EDIL3: variants seen among roughly 807,000 people sequenced by gnomAD.
The protein encoded by EDIL3 is EGF-like repeat and discoidin I-like domain-containing protein 3.
Under a neutral mutation model 67.4 loss-of-function variants are expected in EDIL3, and 37 were observed. The ratio of observed to expected loss-of-function variants is 0.55; its 90% CI spans 0.42 to 0.72. The LOEUF (loss-of-function observed/expected upper bound fraction) is 0.72, where lower values mean the gene tolerates loss of function less well. Among genes scored for constraint, EDIL3 ranks in the 30% least tolerant of loss-of-function variants. EDIL3 has a pLI of 0.00. For missense variants in EDIL3, 527 were observed against 586.3 expected, an observed-to-expected ratio of 0.90 and a Z score of 1.04; for synonymous variants, 195 against 196.3, an observed-to-expected ratio of 0.99 and a Z score of 0.05.
At chr5:84,142,827 C>T (rs116795669) in intron 4 of EDIL3, among the ~76,000 whole-genome samples, 7 of 147,194 alleles carry the variant, frequency 4.8e-5, no homozygotes, top group East Asian at 4.4e-4. Context: ...GTGCCCCCCC[C>T]CCCAAGCTTT....
At chr5:84,014,594 G>A (rs1245743473) in intron 9 of EDIL3, among the ~76,000 whole-genome samples, 2 of 152,224 alleles carry the variant, frequency 1.3e-5, no homozygotes, top group Admixed American at 1.3e-4. Context: ...GCAGTCAGCC[G>A]AGATCATGCC....
chr5:84,204,461 T>A (rs1307572220), intron 3 of EDIL3, among the ~76,000 whole-genome samples: 1 of 152,216 alleles, frequency 6.6e-6, no homozygotes, highest in Non-Finnish European at 1.5e-5. Flanking sequence ...ATAATATAGT[T>A]CCATGTCATT....
intron 9 of EDIL3, among the ~76,000 whole-genome samples, chr5:84,029,170 T>C (rs1348789145): frequency 2.0e-5 from 3 of 152,136 alleles, no homozygotes; most frequent in Non-Finnish European, 4.4e-5. Context: ...AGCAAGAGAA[T>C]GGCATGAACC....
chr5:84,313,898 A>G (rs1353401740), intron 1 of EDIL3, among the ~76,000 whole-genome samples: 1 of 152,114 alleles, frequency 6.6e-6, no homozygotes, highest in Non-Finnish European at 1.5e-5. Flanking sequence ...GGTAGTGGAG[A>G]AAGAAATGCA....
intron 1 of EDIL3, among the ~76,000 whole-genome samples, chr5:84,296,313 A>T (rs1281937822): frequency 6.6e-6 from 1 of 152,204 alleles, no homozygotes; most frequent in African/African-American, 2.4e-5. Context: ...TTGTATCAAC[A>T]TTCAATTTTA....
chr5:83,955,600 T>C (rs753828421), intron 10 of EDIL3, among the ~76,000 whole-genome samples: 1 of 151,740 alleles, frequency 6.6e-6, no homozygotes, highest in Non-Finnish European at 1.5e-5. Flanking sequence ...CTCCATAAAT[T>C]TATTGAGAAC....
chr5:84,150,628 T>C (rs772067902), intron 4 of EDIL3, among the ~76,000 whole-genome samples: 2 of 152,162 alleles, frequency 1.3e-5, no homozygotes, highest in Non-Finnish European at 2.9e-5. Flanking sequence ...ATTAAAAAGA[T>C]GGTGTTGGTG....
intron 9 of EDIL3, among the ~76,000 whole-genome samples, chr5:83,997,472 T>G (rs1035738659): frequency 6.6e-6 from 1 of 152,178 alleles, no homozygotes; most frequent in African/African-American, 2.4e-5. Context: ...TCCAGATTTC[T>G]GGTTTAGGCA....
chr5:84,173,796 G>A (rs1161081791), intron 4 of EDIL3, among the ~76,000 whole-genome samples: 1 of 152,180 alleles, frequency 6.6e-6, no homozygotes, highest in Non-Finnish European at 1.5e-5. Context: ...TGAGGGAGAT[G>A]TCCCCACGTG....
chr5:83,966,087 C>T (rs1744685852), intron 9 of EDIL3, among the ~76,000 whole-genome samples: 1 of 152,076 alleles, frequency 6.6e-6, no homozygotes, highest in Non-Finnish European at 1.5e-5. Context: ...TCTAGGACCG[C>T]TCTGCCCTCT....
chr5:84,259,893 G>A (rs1745195600), intron 1 of EDIL3, among the ~76,000 whole-genome samples: 1 of 152,060 alleles, frequency 6.6e-6, no homozygotes, highest in African/African-American at 2.4e-5. Flanking sequence ...CCTAAAATAG[G>A]TACCTTTATG....
intron 1 of EDIL3, among the ~76,000 whole-genome samples, chr5:84,289,941 T>C (rs997841329): frequency 6.6e-6 from 1 of 152,182 alleles, no homozygotes; most frequent in African/African-American, 2.4e-5. Flanking sequence ...TCTTAAGTAA[T>C]TTCATTTTAA....
In EDIL3 at chr5:83,963,800, T is replaced by C. The variant is rs569970053; in HGVS notation, c.1138-440A>G. Among the ~76,000 whole-genome samples the C allele has an allele frequency of 2.0e-5, 3 of 151,880 alleles. No homozygotes were observed. In the South Asian group the frequency reaches 6.2e-4, roughly 31 times the overall value. ...TTCAATGAAAATAAAAATAGCACTG[T>C]AGCTGTGTCCACATCAGGGACAAAA... On this transcript the variant is annotated intron_variant, in intron 9 of 10. Coordinates refer to ENST00000296591, the MANE Select transcript of EDIL3 (RefSeq NM_005711.5).
chr5:84,375,462 T>C (rs546599099), intron 1 of EDIL3, among the ~76,000 whole-genome samples: 1 of 152,338 alleles, frequency 6.6e-6, no homozygotes, highest in East Asian at 1.9e-4. Context: ...TTTGGTGCTT[T>C]TGTTTGGCTA....
chr5:83,982,400 G>A (rs945754689), intron 9 of EDIL3, among the ~76,000 whole-genome samples: 2 of 151,906 alleles, frequency 1.3e-5, no homozygotes, highest in Admixed American at 1.3e-4. Flanking sequence ...TCATTAAATA[G>A]CCTCTTTCTA....
At chr5:84,262,890 T>G (rs189362811) in intron 1 of EDIL3, among the ~76,000 whole-genome samples, 1 of 151,894 alleles carries the variant, frequency 6.6e-6, no homozygotes, top group African/African-American at 2.4e-5. Context: ...AGACTGGTCT[T>G]GAATTCCTGA....
intron 1 of EDIL3, among the ~76,000 whole-genome samples, chr5:84,382,637 G>C (rs1319062797): frequency 1.3e-5 from 2 of 152,168 alleles, no homozygotes; most frequent in Non-Finnish European, 2.9e-5. Flanking sequence ...CCTGCTAAGA[G>C]ATCAAAGTGC....
intron 1 of EDIL3, among the ~76,000 whole-genome samples, chr5:84,312,794 T>C (rs1431155126): frequency 6.6e-6 from 1 of 152,236 alleles, no homozygotes; most frequent in African/African-American, 2.4e-5. Context: ...CAGCTGTACA[T>C]AAAATAATCC....
At chr5:84,037,038 A>C (rs1746034232) in intron 9 of EDIL3, among the ~76,000 whole-genome samples, 1 of 152,186 alleles carries the variant, frequency 6.6e-6, no homozygotes, top group Non-Finnish European at 1.5e-5. Flanking sequence ...TTCTGTTTGC[A>C]TAAGGGTACC....
Sources: allele counts gnomAD v4.1 joint callset (sites outside exome capture counted in the v4.1 genomes callset), GRCh38; gene constraint gnomAD v4.1.1; transcripts MANE v1.5; gene names NCBI Gene and HGNC (gene_info 2026-07-23, HGNC 2026-07-21).